The following DGKB variants were observed in gnomAD, a reference collection of about 807,000 sequenced individuals.
DGKB encodes 90 kDa diacylglycerol kinase.
A neutral mutation model predicts 114.3 loss-of-function variants in DGKB; 67 were observed. That is an observed-to-expected ratio of 0.59 (90% CI 0.48 to 0.72). DGKB has a LOEUF of 0.72. Ranked by LOEUF, DGKB falls within the 30% of genes least tolerant of loss-of-function variation. DGKB has a pLI of 0.00. For synonymous variants in DGKB, 398 were observed against 323.1 expected, an observed-to-expected ratio of 1.23 and a Z score of -2.49; for missense variants, 907 against 975.2, an observed-to-expected ratio of 0.93 and a Z score of 0.93.
At chr7:14,257,591 GGCTTCAT>G (rs1274769321) in intron 23 of DGKB, among the ~76,000 whole-genome samples, 1 of 152,064 alleles carries the variant, frequency 6.6e-6, no homozygotes, top group African/African-American at 2.4e-5. Context: ...GAGATCTGAT[GGCTTCAT>G]ACTGGGCTTT....
At chr7:14,460,655 G>A (rs1164685847) in intron 21 of DGKB, among the ~76,000 whole-genome samples, 1 of 151,972 alleles carries the variant, frequency 6.6e-6, no homozygotes, top group African/African-American at 2.4e-5. Flanking sequence ...CAATAATAAT[G>A]GGAGACTTGA....
intron 2 of DGKB, among the ~76,000 whole-genome samples, chr7:14,800,911 C>T (rs1391206459): frequency 6.6e-6 from 1 of 152,096 alleles, no homozygotes; most frequent in African/African-American, 2.4e-5. Context: ...AGGAAAAGAG[C>T]CATGACCAGT....
chr7:14,612,122 T>A (rs1243398758), intron 16 of DGKB, among the ~76,000 whole-genome samples: 1 of 144,874 alleles, frequency 6.9e-6, no homozygotes, highest in African/African-American at 2.5e-5. Flanking sequence ...AAAACATAAC[T>A]ATATACTGAT....
intron 23 of DGKB, among the ~76,000 whole-genome samples, chr7:14,240,096 A>G (rs1793420029): frequency 6.6e-6 from 1 of 152,124 alleles, no homozygotes; most frequent in African/African-American, 2.4e-5. Flanking sequence ...AGAGGCACAT[A>G]TATGTTCTGT....
At chr7:14,664,462 T>C (rs1035364696) in intron 13 of DGKB, among the ~76,000 whole-genome samples, 2 of 151,998 alleles carry the variant, frequency 1.3e-5, no homozygotes, top group African/African-American at 2.4e-5. Flanking sequence ...CATATTTATA[T>C]TGGATAAAGC....
chr7:14,307,886 C>T (rs1326284109), intron 23 of DGKB, among the ~76,000 whole-genome samples: 2 of 152,008 alleles, frequency 1.3e-5, no homozygotes, highest in African/African-American at 2.4e-5. Context: ...TGGAAGTTTC[C>T]TTCTCCCCAG....
chr7:14,767,341 T>A (rs2128464428), intron 2 of DGKB, among the ~76,000 whole-genome samples: 1 of 152,034 alleles, frequency 6.6e-6, no homozygotes, highest in South Asian at 2.1e-4. Flanking sequence ...GAAGGCAGAT[T>A]GACAAGTGCT....
At chr7:14,898,687 C>A (rs184682494) in intron 1 of DGKB, among the ~76,000 whole-genome samples, 6 of 152,178 alleles carry the variant, frequency 3.9e-5, no homozygotes, top group Non-Finnish European at 8.8e-5. Context: ...TGAAGTGTCA[C>A]AAATGACAAG....
chr7:14,358,016 C>T (rs1302919078), intron 21 of DGKB, among the ~76,000 whole-genome samples: 5 of 152,046 alleles, frequency 3.3e-5, no homozygotes, highest in Admixed American at 2.0e-4. Flanking sequence ...TCTCTGGCTG[C>T]CCTTTACATT....
At chr7:14,369,387 G>A (rs754518498) in intron 21 of DGKB, among the ~76,000 whole-genome samples, 39 of 152,168 alleles carry the variant, frequency 2.6e-4, no homozygotes, top group Non-Finnish European at 5.0e-4. Flanking sequence ...ACATATGTGT[G>A]CATGTGTGTT....
At chr7:14,849,050 T>G (rs1849004691) in intron 1 of DGKB, among the ~76,000 whole-genome samples, 1 of 152,102 alleles carries the variant, frequency 6.6e-6, no homozygotes, top group Admixed American at 6.6e-5. Flanking sequence ...TGTTTCCTAG[T>G]GAAGAATCCC....
chr7:14,192,416 T>G (rs533399205), intron 23 of DGKB, among the ~76,000 whole-genome samples: 1 of 152,146 alleles, frequency 6.6e-6, no homozygotes, highest in South Asian at 2.1e-4. Context: ...AGGTGAAAGA[T>G]CTCTACAATA....
intron 15 of DGKB, among the ~76,000 whole-genome samples, chr7:14,619,766 G>T (rs1807255414): frequency 6.6e-6 from 1 of 151,550 alleles, no homozygotes; most frequent in Non-Finnish European, 1.5e-5. Flanking sequence ...ACATCAACAT[G>T]ATTTTGAAAA....
intron 21 of DGKB, among the ~76,000 whole-genome samples, chr7:14,404,632 C>T (rs1823646818): frequency 2.0e-5 from 3 of 151,908 alleles, no homozygotes; most frequent in South Asian, 4.1e-4. Flanking sequence ...TGAAACAAAA[C>T]TTCCCAAGGC....
At chr7:14,302,445 T>C (rs1803721751) in intron 23 of DGKB, among the ~76,000 whole-genome samples, 1 of 152,124 alleles carries the variant, frequency 6.6e-6, no homozygotes, top group African/African-American at 2.4e-5. Context: ...ATCATATTAC[T>C]CTGTATTGAA....
intron 23 of DGKB, among the ~76,000 whole-genome samples, chr7:14,225,295 G>A (rs554889205): frequency 1.3e-5 from 2 of 152,118 alleles, no homozygotes; most frequent in Admixed American, 6.6e-5. Context: ...TCTAACTTTA[G>A]TTGCTGAGTA....
chr7:14,248,669 T>A (rs2128385312), intron 23 of DGKB, among the ~76,000 whole-genome samples: 1 of 152,244 alleles, frequency 6.6e-6, no homozygotes, highest in African/African-American at 2.4e-5. Context: ...TTTATAGAAG[T>A]GCAACTAACT....
intron 23 of DGKB, among the ~76,000 whole-genome samples, chr7:14,187,590 A>C (rs1783637902): frequency 6.6e-6 from 1 of 152,184 alleles, no homozygotes; most frequent in Non-Finnish European, 1.5e-5. Context: ...CTGAGGCAAT[A>C]TATATCACTG....
intron 2 of DGKB, among the ~76,000 whole-genome samples, chr7:14,773,812 A>G (rs1406676805): frequency 6.6e-6 from 1 of 152,084 alleles, no homozygotes. Flanking sequence ...CTTGGCCTAC[A>G]TTTTGTGGGA....
Sources: gnomAD v4.1 joint callset for allele counts (sites outside exome capture counted in the v4.1 genomes callset) on GRCh38, gnomAD v4.1.1 for gene constraint, MANE v1.5 for transcripts, NCBI Gene and HGNC (gene_info 2026-07-23, HGNC 2026-07-21) for gene names.